Variants in PRKCA observed in about 807,000 individuals in gnomAD.
PRKCA encodes the protein protein kinase C alpha.
Under a neutral mutation model 87.0 loss-of-function variants are expected in PRKCA, and 27 were observed. The ratio of observed to expected loss-of-function variants is 0.31; its 90% confidence interval spans 0.23 to 0.43. The LOEUF (loss-of-function observed/expected upper bound fraction) is 0.43, where lower values mean the gene tolerates loss of function less well. Ranked by LOEUF, PRKCA falls within the 20% of genes least tolerant of loss-of-function variation. The pLI is 1.00. For synonymous variants in PRKCA, 329 were observed against 311.1 expected, an observed-to-expected ratio of 1.06 and a Z score of -0.61; for missense variants, 518 against 852.3, an observed-to-expected ratio of 0.61 and a Z score of 4.88.
At chr17:66,781,726 G>C (rs1975218877) in intron 14 of PRKCA, among the ~76,000 whole-genome samples, 1 of 152,200 alleles carries the variant, frequency 6.6e-6, no homozygotes, top group Non-Finnish European at 1.5e-5. Context: ...TTTGTGAGTG[G>C]AGTTTCAGTT....
At chr17:66,642,134 AT>A (rs755435878) in intron 4 of PRKCA, among the ~76,000 whole-genome samples, 188 of 144,320 alleles carry the variant, frequency 1.3e-3, no homozygotes, top group Admixed American at 1.3e-3. Context: ...TGCTTTGATC[AT>A]TTTTTTTTTT....
intron 2 of PRKCA, among the ~76,000 whole-genome samples, chr17:66,469,309 A>C (rs1915223197): frequency 6.6e-6 from 1 of 152,186 alleles, no homozygotes; most frequent in Non-Finnish European, 1.5e-5. Flanking sequence ...CTGTAGCCTG[A>C]GTGATTATTT....
intron 3 of PRKCA, among the ~76,000 whole-genome samples, chr17:66,603,263 T>C (rs552789110): frequency 9.2e-4 from 140 of 152,246 alleles, no homozygotes; most frequent in Non-Finnish European, 1.6e-3. Context: ...CCCCCAGCCC[T>C]TTCCTGAACG....
At chr17:66,338,630 C>T (rs903684753) in intron 2 of PRKCA, among the ~76,000 whole-genome samples, 1 of 151,988 alleles carries the variant, frequency 6.6e-6, no homozygotes, top group Non-Finnish European at 1.5e-5. Flanking sequence ...CAAAGCTGTC[C>T]TACAGACTAA....
At chr17:66,780,452 G>A (rs1237216056) in intron 14 of PRKCA, among the ~76,000 whole-genome samples, 1 of 152,184 alleles carries the variant, frequency 6.6e-6, no homozygotes, top group Non-Finnish European at 1.5e-5. Flanking sequence ...CCAGGTGGGT[G>A]GATCACGAGG....
chr17:66,566,491 T>TTG (rs1567903315), intron 3 of PRKCA, among the ~76,000 whole-genome samples: 2 of 149,344 alleles, frequency 1.3e-5, no homozygotes, highest in African/African-American at 4.9e-5. Flanking sequence ...TTTTTTTTTT[T>TTG]TTTTTTTTTT....
intron 14 of PRKCA, among the ~76,000 whole-genome samples, chr17:66,784,027 A>G (rs1325480689): frequency 3.9e-5 from 6 of 152,088 alleles, no homozygotes; most frequent in African/African-American, 7.2e-5. Context: ...TCAATGAGGG[A>G]CTCCCGTTTT....
chr17:66,550,626 G>T (rs1598760823), intron 3 of PRKCA, among the ~76,000 whole-genome samples: 2 of 145,574 alleles, frequency 1.4e-5, no homozygotes, highest in Admixed American at 1.4e-4. Context: ...TCCAGCCTGG[G>T]TGACAGAGTG....
intron 8 of PRKCA, among the ~76,000 whole-genome samples, chr17:66,711,409 A>AT (rs1472796482): frequency 2.0e-5 from 3 of 152,144 alleles, no homozygotes; most frequent in South Asian, 2.1e-4. Flanking sequence ...CTCTTATTTC[A>AT]TTTTTTCTCA....
intron 2 of PRKCA, among the ~76,000 whole-genome samples, chr17:66,430,599 A>G (rs1202347189): frequency 6.6e-6 from 1 of 151,990 alleles, no homozygotes; most frequent in Non-Finnish European, 1.5e-5. Context: ...CCTGTGGTGC[A>G]CTGAGCCACA....
Position 66,315,898 on chromosome 17 carries a change from A to G in PRKCA, c.205+9771A>G, listed in dbSNP as rs1490639706. Among the ~76,000 whole-genome samples, 3 of 152,216 alleles carry G rather than the reference A, an allele frequency of 2.0e-5. No homozygotes were observed. The East Asian group carries it at 5.8e-4, about 29-fold the overall frequency. ...CATGCCAGACCCTGCAGGGCGCAGG[A>G]CAGAAGACATATATGAAAACAACAC... On this transcript the variant is annotated intron_variant, in intron 2 of 16. Coordinates refer to ENST00000413366, the MANE Select transcript of PRKCA (RefSeq NM_002737.3).
rs185203013 is a variant in PRKCA at position 66,769,866 on chromosome 17, T to A, written c.1525-4121T>A. On this transcript the variant is annotated intron_variant, in intron 13 of 16. Coordinates refer to ENST00000413366, the MANE Select transcript of PRKCA (RefSeq NM_002737.3). ...AAATGATATTTTCCATTTTGACTAA[T>A]TGAAGATTTCCCACTAAGATAAATG... 1.2e-3 allele frequency among the ~76,000 whole-genome samples: 177 copies of A among 152,380 alleles called. 1 individual carries two copies. The highest frequency in any genetic ancestry group is 3.9e-3 in the African/African-American group (163 of 41,600).
chr17:66,554,433 C>T (rs1968435690), intron 3 of PRKCA: 2 of 522,446 alleles, frequency 3.8e-6, no homozygotes, highest in Non-Finnish European at 4.9e-6. Flanking sequence ...TGACACGTTT[C>T]TTGTTCCCAT....
At position 66,643,035 on chromosome 17, in the gene PRKCA, C is replaced by T. The variant is rs185672020; in HGVS notation, c.400+1569C>T. Among the ~76,000 whole-genome samples, 137 of 152,086 alleles carry T rather than the reference C, an allele frequency of 9.0e-4. 1 individual carries two copies. In the Middle Eastern group the frequency reaches 0.017, roughly 19 times the overall value. On this transcript the variant is annotated intron_variant, in intron 4 of 16. Coordinates refer to ENST00000413366, the MANE Select transcript of PRKCA (RefSeq NM_002737.3). ...AGCCTGGGCAAACAAGAGTGAAACT[C>T]GGTCTCAAAAAACTAGAAAAATAAA...
intron 2 of PRKCA, among the ~76,000 whole-genome samples, chr17:66,405,342 C>T (rs1300846937): frequency 6.6e-6 from 1 of 152,248 alleles, no homozygotes; most frequent in Non-Finnish European, 1.5e-5. Flanking sequence ...GAAAATGGTG[C>T]ATTGGCAAAG....
chr17:66,709,967 T>G lies in PRKCA; in HGVS notation c.918+20920T>G, dbSNP rs560502142. Among the ~76,000 whole-genome samples the G allele has an allele frequency of 3.9e-5, 6 of 152,328 alleles. No individual in the cohort carries two copies. In the South Asian group the frequency reaches 1.2e-3, roughly 32 times the overall value. ...TAACATTACTGGGCACCTTGCTATG[T>G]GCTACCTCAAACGAGTCGATTCGCC... On this transcript the variant is annotated intron_variant, in intron 8 of 16. Coordinates refer to ENST00000413366, the MANE Select transcript of PRKCA (RefSeq NM_002737.3).
chr17:66,304,191 T>A (rs1904675842), intron 1 of PRKCA, among the ~76,000 whole-genome samples: 1 of 152,158 alleles, frequency 6.6e-6, no homozygotes, highest in Non-Finnish European at 1.5e-5. Context: ...TAGAAGGGCT[T>A]CAGGGGTCTC....
rs1970109824 is a variant in PRKCA, at chr17:66,603,312, A to G, written c.289-38043A>G. On this transcript the variant is annotated intron_variant, in intron 3 of 16. Coordinates refer to ENST00000413366, the MANE Select transcript of PRKCA (RefSeq NM_002737.3). ...AGGGTAAAAGGAGCCAGAGAACACT[A>G]TCATCGCAGATGCTTCATGTGAATT... 2.0e-5 allele frequency among the ~76,000 whole-genome samples: 3 copies of G among 152,180 alleles called. No individual in the cohort carries two copies. The South Asian group carries it at 6.2e-4, about 32-fold the overall frequency.
At chr17:66,424,790 C>A (rs1912701870) in intron 2 of PRKCA, among the ~76,000 whole-genome samples, 1 of 150,770 alleles carries the variant, frequency 6.6e-6, no homozygotes, top group South Asian at 2.1e-4. Context: ...TGCTGTGACA[C>A]CCAGGCTGGA....
Sources: allele counts gnomAD v4.1 joint callset (sites outside exome capture counted in the v4.1 genomes callset), GRCh38; gene constraint gnomAD v4.1.1; transcripts MANE v1.5; gene names NCBI Gene and HGNC (gene_info 2026-07-23, HGNC 2026-07-21).